EPHA3: variants seen among roughly 807,000 people sequenced by gnomAD.
EPHA3 encodes EPH receptor A3, also known as ephrin type-A receptor 3.
A neutral mutation model predicts 107.1 loss-of-function variants in EPHA3; 42 were observed. The observed-to-expected ratio is 0.39, with a 90% CI of 0.31 to 0.51. The LOEUF (loss-of-function observed/expected upper bound fraction) is 0.51, where lower values mean the gene tolerates loss of function less well. Ranked by LOEUF, EPHA3 falls within the 20% of genes least tolerant of loss-of-function variation. The probability of loss-of-function intolerance (pLI) is 0.78; values close to 1 mark genes in which losing one functional copy is unlikely to be tolerated. For missense variants in EPHA3, 1,183 were observed against 1,211.2 expected, an observed-to-expected ratio of 0.98 and a Z score of 0.35; for synonymous variants, 461 against 424.8, an observed-to-expected ratio of 1.09 and a Z score of -1.05.
At chr3:89,401,340 C>A (rs1054295761) in intron 7 of EPHA3, among the ~76,000 whole-genome samples, 1 of 152,140 alleles carries the variant, frequency 6.6e-6, no homozygotes, top group South Asian at 2.1e-4. Context: ...TCCTCAAATA[C>A]GTAAATCTAT....
Position 89,296,889 on chromosome 3 carries a change from G to A in EPHA3, c.815-44027G>A, listed in dbSNP as rs376587253. ...ACTTGCTTCAGTTTTTCTATCATCA[G>A]TACTTGCTGCTTCACCTTGCAGTTT... On this transcript the variant is annotated intron_variant, in intron 3 of 16. Transcript: ENST00000336596. Among the ~76,000 whole-genome samples the A allele has an allele frequency of 3.9e-5, 6 of 152,236 alleles. No homozygotes were observed. The East Asian group carries it at 1.2e-3, about 29-fold the overall frequency.
At chr3:89,354,810 C>T (rs956004524) in intron 5 of EPHA3, among the ~76,000 whole-genome samples, 3 of 151,024 alleles carry the variant, frequency 2.0e-5, no homozygotes, top group African/African-American at 7.3e-5. Context: ...TCCATGGCCG[C>T]ACAACTCCAG....
chr3:89,451,492 T>G (rs947747841), intron 15 of EPHA3, among the ~76,000 whole-genome samples: 6 of 152,216 alleles, frequency 3.9e-5, no homozygotes, highest in Non-Finnish European at 8.8e-5. Flanking sequence ...AGGCTTTTAA[T>G]TTTTCTCTCT....
At chr3:89,215,445 T>C (rs1166794262) in intron 3 of EPHA3, among the ~76,000 whole-genome samples, 2 of 151,888 alleles carry the variant, frequency 1.3e-5, no homozygotes, top group African/African-American at 4.8e-5. Context: ...ATTTAAACCA[T>C]GGATTTGCAA....
intron 13 of EPHA3, among the ~76,000 whole-genome samples, chr3:89,431,900 C>G (rs189375600): frequency 7.2e-5 from 11 of 152,220 alleles, no homozygotes; most frequent in African/African-American, 2.6e-4. Flanking sequence ...CAAACTTGTT[C>G]ATGAATATAT....
intron 3 of EPHA3, among the ~76,000 whole-genome samples, chr3:89,330,796 A>T (rs1045488375): frequency 2.6e-5 from 4 of 152,170 alleles, no homozygotes; most frequent in African/African-American, 9.6e-5. Flanking sequence ...GTTTTCATTT[A>T]AAATCCTGGA....
At chr3:89,117,794 T>C (rs1215161716) in intron 1 of EPHA3, among the ~76,000 whole-genome samples, 1 of 152,136 alleles carries the variant, frequency 6.6e-6, no homozygotes, top group Non-Finnish European at 1.5e-5. Flanking sequence ...CTTGTTCATT[T>C]TCCCCAATTG....
At chr3:89,278,812 T>C (rs985003482) in intron 3 of EPHA3, among the ~76,000 whole-genome samples, 6 of 152,256 alleles carry the variant, frequency 3.9e-5, no homozygotes, top group Admixed American at 3.9e-4. Context: ...CCAAAAGAAA[T>C]GTGCTAAAAT....
chr3:89,300,425 A>C (rs1161621131), intron 3 of EPHA3, among the ~76,000 whole-genome samples: 1 of 152,032 alleles, frequency 6.6e-6, no homozygotes, highest in Non-Finnish European at 1.5e-5. Flanking sequence ...ACACACACAG[A>C]GACATACAAC....
chr3:89,471,461 C>G (rs1710400382), intron 15 of EPHA3, among the ~76,000 whole-genome samples: 1 of 152,136 alleles, frequency 6.6e-6, no homozygotes, highest in South Asian at 2.1e-4. Flanking sequence ...CTTCGCCTCC[C>G]AGGTTCAAGC....
chr3:89,196,575 A>C (rs1639684134), intron 2 of EPHA3, among the ~76,000 whole-genome samples: 1 of 148,050 alleles, frequency 6.8e-6, no homozygotes, highest in Non-Finnish European at 1.5e-5. Context: ...TGATGTCCAA[A>C]CTCAGTTGGA....
chr3:89,394,068 G>A (rs771725041), intron 5 of EPHA3, among the ~76,000 whole-genome samples: 1 of 152,092 alleles, frequency 6.6e-6, no homozygotes, highest in Non-Finnish European at 1.5e-5. Flanking sequence ...GTAAGAAAAT[G>A]AATTTACTTT....
chr3:89,426,285 A>G (rs1709454912), intron 11 of EPHA3, among the ~76,000 whole-genome samples: 1 of 151,766 alleles, frequency 6.6e-6, no homozygotes, highest in Non-Finnish European at 1.5e-5. Context: ...CATTTAATGC[A>G]TGTTGGAACT....
chr3:89,425,570 G>T (rs1446487697), intron 11 of EPHA3, among the ~76,000 whole-genome samples: 3 of 150,990 alleles, frequency 2.0e-5, no homozygotes, highest in African/African-American at 7.3e-5. Flanking sequence ...GGAGTTAATA[G>T]CATTTCCATT....
At chr3:89,399,761 A>T in intron 7 of EPHA3, 2 of 1,169,490 alleles carry the variant, frequency 1.7e-6, no homozygotes, top group Non-Finnish European at 2.1e-6. Context: ...CTTTTGAGGA[A>T]CATTATTTAA....
chr3:89,130,251 AG>A (rs1273307828), intron 2 of EPHA3, among the ~76,000 whole-genome samples: 1 of 152,210 alleles, frequency 6.6e-6, no homozygotes, highest in East Asian at 1.9e-4. Flanking sequence ...GGCTAAATTG[AG>A]AAACTCTTAC....
chr3:89,312,106 A>G (rs547378465), intron 3 of EPHA3, among the ~76,000 whole-genome samples: 2 of 152,176 alleles, frequency 1.3e-5, no homozygotes, highest in East Asian at 3.9e-4. Context: ...TGGTCAGCAC[A>G]TTACTCCCTA....
chr3:89,350,488 C>G (rs1707783742), intron 5 of EPHA3, among the ~76,000 whole-genome samples: 1 of 151,178 alleles, frequency 6.6e-6, no homozygotes, highest in Non-Finnish European at 1.5e-5. Context: ...AAGCACTTCT[C>G]TGTATTGGTT....
intron 5 of EPHA3, among the ~76,000 whole-genome samples, chr3:89,356,253 T>C (rs1707952914): frequency 6.6e-6 from 1 of 150,840 alleles, no homozygotes; most frequent in Admixed American, 6.7e-5. Context: ...TTTGGGTTGG[T>C]TCCAAGTCTT....
Sources: allele counts gnomAD v4.1 joint callset (sites outside exome capture counted in the v4.1 genomes callset), GRCh38; gene constraint gnomAD v4.1.1; transcripts MANE v1.5; gene names NCBI Gene and HGNC (gene_info 2026-07-23, HGNC 2026-07-21).